NRG3: variants seen among roughly 807,000 people sequenced by gnomAD.
The protein encoded by NRG3 is pro-neuregulin-3, membrane-bound isoform.
NRG3 carries 31 observed loss-of-function variants against 66.9 expected under a neutral mutation model. The ratio of observed to expected loss-of-function variants is 0.46; its 90% confidence interval spans 0.35 to 0.63. The LOEUF (loss-of-function observed/expected upper bound fraction) is 0.63. Ranked by LOEUF, NRG3 falls within the 20% of genes least tolerant of loss-of-function variation. The pLI is 0.00. For synonymous variants in NRG3, 393 were observed against 359.4 expected, an observed-to-expected ratio of 1.09 and a Z score of -1.06; for missense variants, 910 against 878.9, an observed-to-expected ratio of 1.04 and a Z score of -0.45.
chr10:82,938,440 G>A (rs997557379), intron 4 of NRG3, among the ~76,000 whole-genome samples: 2 of 152,216 alleles, frequency 1.3e-5, no homozygotes, highest in African/African-American at 4.8e-5. Context: ...ATATCCACCT[G>A]ACTCGAGACA....
At chr10:82,305,208 G>A (rs1345644392) in intron 1 of NRG3, among the ~76,000 whole-genome samples, 1 of 151,880 alleles carries the variant, frequency 6.6e-6, no homozygotes, top group African/African-American at 2.4e-5. Context: ...TGCTAGCCAG[G>A]ATGGTCTCAA....
intron 2 of NRG3, among the ~76,000 whole-genome samples, chr10:82,556,801 C>T (rs1458571658): frequency 6.6e-6 from 1 of 152,094 alleles, no homozygotes; most frequent in Non-Finnish European, 1.5e-5. Flanking sequence ...CAAGCCTCCA[C>T]CCTGAAGTAG....
chr10:82,764,982 T>A (rs906736293), intron 3 of NRG3, among the ~76,000 whole-genome samples: 3 of 152,158 alleles, frequency 2.0e-5, no homozygotes, highest in Non-Finnish European at 4.4e-5. Flanking sequence ...CTAGAACTCT[T>A]TATTCAGTAT....
At chr10:82,968,858 C>T (rs1004241378) in intron 6 of NRG3, among the ~76,000 whole-genome samples, 11 of 151,654 alleles carry the variant, frequency 7.3e-5, no homozygotes, top group Non-Finnish European at 1.5e-4. Context: ...GTTTAATGGA[C>T]TCACAGTTTC....
intron 2 of NRG3, among the ~76,000 whole-genome samples, chr10:82,523,022 G>T (rs898390033): frequency 2.0e-5 from 3 of 152,132 alleles, no homozygotes; most frequent in Non-Finnish European, 4.4e-5. Context: ...ATCATGAACT[G>T]TGTACACCTT....
chr10:82,873,546 C>T (rs1482273972), intron 4 of NRG3, among the ~76,000 whole-genome samples: 2 of 152,132 alleles, frequency 1.3e-5, no homozygotes, highest in Non-Finnish European at 2.9e-5. Context: ...TTGGAAGGTG[C>T]AATAATCACG....
At chr10:81,926,791 C>G (rs189975740) in intron 1 of NRG3, among the ~76,000 whole-genome samples, 1 of 152,166 alleles carries the variant, frequency 6.6e-6, no homozygotes, top group Non-Finnish European at 1.5e-5. Context: ...GTTTAATCTC[C>G]AGTTTTAATC....
chr10:81,933,573 G>C (rs1413510802), intron 1 of NRG3, among the ~76,000 whole-genome samples: 2 of 152,068 alleles, frequency 1.3e-5, no homozygotes, highest in Non-Finnish European at 1.5e-5. Context: ...TAATGCTAGG[G>C]ATTCAATTAT....
intron 1 of NRG3, among the ~76,000 whole-genome samples, chr10:82,122,270 ATCT>A (rs1024587595): frequency 3.3e-5 from 5 of 152,114 alleles, no homozygotes; most frequent in African/African-American, 7.2e-5. Context: ...TAGGGCACTG[ATCT>A]TCTTCATAGC....
chr10:82,073,777 A>C (rs2064939563), intron 1 of NRG3, among the ~76,000 whole-genome samples: 1 of 152,234 alleles, frequency 6.6e-6, no homozygotes, highest in South Asian at 2.1e-4. Context: ...TCTTTACGAT[A>C]GTTTCCTAGT....
chr10:82,341,667 G>A (rs904651814), intron 1 of NRG3, among the ~76,000 whole-genome samples: 14 of 151,918 alleles, frequency 9.2e-5, no homozygotes, highest in Non-Finnish European at 1.5e-4. Flanking sequence ...TTTACATAGC[G>A]TTAGAGTCTG....
chr10:82,120,512 T>A (rs984230967), intron 1 of NRG3, among the ~76,000 whole-genome samples: 2 of 152,190 alleles, frequency 1.3e-5, no homozygotes, highest in African/African-American at 4.8e-5. Context: ...CAGGATAAGA[T>A]GCATGATACC....
At chr10:81,915,004 T>C (rs1845541473) in intron 1 of NRG3, among the ~76,000 whole-genome samples, 1 of 152,194 alleles carries the variant, frequency 6.6e-6, no homozygotes, top group Non-Finnish European at 1.5e-5. Flanking sequence ...AATTAGTGTA[T>C]CCTGTGAAGG....
chr10:82,722,379 G>T (rs763826300), intron 2 of NRG3, among the ~76,000 whole-genome samples: 4 of 151,974 alleles, frequency 2.6e-5, no homozygotes, highest in African/African-American at 4.8e-5. Context: ...AGCGATTCTT[G>T]GTATTGAAAA....
chr10:82,010,518 T>C (rs985677823), intron 1 of NRG3, among the ~76,000 whole-genome samples: 1 of 152,202 alleles, frequency 6.6e-6, no homozygotes, highest in African/African-American at 2.4e-5. Flanking sequence ...AGCTTATTAA[T>C]AAAACAGTCT....
chr10:82,893,432 G>A (rs1455518740), intron 4 of NRG3, among the ~76,000 whole-genome samples: 1 of 152,182 alleles, frequency 6.6e-6, no homozygotes, highest in Non-Finnish European at 1.5e-5. Flanking sequence ...GCTCACGCCT[G>A]TAATCCCAGC....
chr10:82,481,102 A>G (rs1329971783), intron 2 of NRG3, among the ~76,000 whole-genome samples: 1 of 152,216 alleles, frequency 6.6e-6, no homozygotes, highest in African/African-American at 2.4e-5. Flanking sequence ...ATTCCCAGCT[A>G]CCATCTCATG....
chr10:81,949,494 A>G (rs1849140966), intron 1 of NRG3, among the ~76,000 whole-genome samples: 1 of 151,972 alleles, frequency 6.6e-6, no homozygotes, highest in African/African-American at 2.4e-5. Flanking sequence ...CTGCCCTCTC[A>G]TGGCCAGATG....
chr10:82,172,068 A>G (rs911704857), intron 1 of NRG3, among the ~76,000 whole-genome samples: 3 of 152,106 alleles, frequency 2.0e-5, no homozygotes, highest in African/African-American at 7.2e-5. Context: ...CCCGTATCAC[A>G]TCAGTAGCAG....
Sources: gnomAD v4.1 joint callset for allele counts (sites outside exome capture counted in the v4.1 genomes callset) on GRCh38, gnomAD v4.1.1 for gene constraint, MANE v1.5 for transcripts, NCBI Gene and HGNC (gene_info 2026-07-23, HGNC 2026-07-21) for gene names.